The following IRAG2 variants were observed in gnomAD, a reference collection of about 807,000 sequenced individuals.
The protein encoded by IRAG2 is inositol 1,4,5-triphosphate receptor associated 2.
In IRAG2, 45 loss-of-function variants were observed where a neutral mutation model predicts 69.9. The ratio of observed to expected loss-of-function variants is 0.64; its 90% CI spans 0.51 to 0.83. IRAG2 has a LOEUF of 0.83. Among genes scored for constraint, IRAG2 ranks in the 40% least tolerant of loss-of-function variants. The probability of loss-of-function intolerance (pLI) is 0.00; values close to 1 mark genes in which losing one functional copy is unlikely to be tolerated. For missense variants in IRAG2, 520 were observed against 587.0 expected (o/e 0.89, Z 1.18); for synonymous variants, 193 against 202.4 (o/e 0.95, Z 0.40).
At chr12:25,026,940 C>G in intron 9 of IRAG2, 1 of 661,658 alleles carries the variant, frequency 1.5e-6, no homozygotes, top group Non-Finnish European at 2.1e-6. Context: ...AATGTCTATG[C>G]CTCATTGACA....
At chr12:25,013,871 T>TC (rs1435630170) in intron 3 of IRAG2, among the ~76,000 whole-genome samples, 3 of 108,980 alleles carry the variant, frequency 2.8e-5, no homozygotes, top group East Asian at 4.6e-4. Flanking sequence ...TTTTTCTTTT[T>TC]TTTTTTTTTT....
chr12:25,004,244 T>G, upstream of IRAG2: 2 of 873,122 alleles, frequency 2.3e-6, no homozygotes, highest in Non-Finnish European at 3.0e-6. Flanking sequence ...AATTGCCTAT[T>G]GCTAAATTAT....
At chr12:25,043,870 G>C (rs753261203) in intron 16 of IRAG2, among the ~76,000 whole-genome samples, 1 of 152,088 alleles carries the variant, frequency 6.6e-6, no homozygotes, top group African/African-American at 2.4e-5. Context: ...ACAAAATAAA[G>C]CTCCAGAAAC....
At chr12:25,004,299 A>G, upstream of IRAG2, 3 of 1,206,570 alleles carry the variant, frequency 2.5e-6, no homozygotes, top group Non-Finnish European at 3.1e-6. Context: ...ACTTTTGCCT[A>G]TACTTTAGCC....
At chr12:25,087,862 A>G (rs1947744832) in intron 10 of IRAG2, among the ~76,000 whole-genome samples, 1 of 152,120 alleles carries the variant, frequency 6.6e-6, no homozygotes, top group African/African-American at 2.4e-5. Flanking sequence ...GTTCCTTAGG[A>G]GAATAACGCC....
intron 14 of IRAG2, among the ~76,000 whole-genome samples, chr12:25,096,569 A>T (rs972441119): frequency 3.9e-5 from 6 of 152,212 alleles, no homozygotes; most frequent in African/African-American, 1.4e-4. Flanking sequence ...CTTATATGAT[A>T]CATTCACCTC....
At chr12:25,015,385 G>T (rs1417971575) in exon 5 of IRAG2, 5 of 1,231,730 alleles carry the variant, frequency 4.1e-6, no homozygotes, top group South Asian at 4.1e-5. Context: ...TTCTACATTG[G>T]GGAGCTTCGA....
intron 6 of IRAG2, chr12:25,076,273 T>C (rs1592015818): frequency 3.8e-6 from 1 of 264,796 alleles, no homozygotes; most frequent in South Asian, 1.5e-4. Flanking sequence ...AACAAGGTAG[T>C]ATTAAATGGC....
intron 16 of IRAG2, among the ~76,000 whole-genome samples, chr12:25,040,726 G>A (rs967171486): frequency 6.6e-6 from 1 of 152,058 alleles, no homozygotes; most frequent in African/African-American, 2.4e-5. Flanking sequence ...GCCAAAGAGA[G>A]GCATGGACAG....
chr12:25,063,177 C>T (rs1591977408), intron 3 of IRAG2, among the ~76,000 whole-genome samples: 1 of 152,178 alleles, frequency 6.6e-6, no homozygotes, highest in African/African-American at 2.4e-5. Context: ...ATTCTCCTGC[C>T]TCAGCCTCCG....
intron 9 of IRAG2, among the ~76,000 whole-genome samples, chr12:25,029,808 G>A (rs1214350909): frequency 6.6e-6 from 1 of 152,104 alleles, no homozygotes; most frequent in African/African-American, 2.4e-5. Flanking sequence ...AGCCTCCCGA[G>A]TGCCTGAGAC....
chr12:25,094,925 C>A (rs11832456), intron 14 of IRAG2, among the ~76,000 whole-genome samples: 12 of 151,980 alleles, frequency 7.9e-5, no homozygotes, highest in Non-Finnish European at 1.3e-4. Flanking sequence ...ATTTTGTACC[C>A]TACAATTTTG....
At chr12:25,040,897 C>G (rs975058042) in intron 16 of IRAG2, among the ~76,000 whole-genome samples, 1 of 152,138 alleles carries the variant, frequency 6.6e-6, no homozygotes, top group African/African-American at 2.4e-5. Context: ...AAACTAACAT[C>G]TAGTAAAGGA....
At chr12:25,094,959 C>T (rs770169799) in intron 14 of IRAG2, among the ~76,000 whole-genome samples, 5 of 152,062 alleles carry the variant, frequency 3.3e-5, no homozygotes, top group African/African-American at 4.8e-5. Flanking sequence ...TTAGTTCTAA[C>T]AGGTTTTTTT....
At chr12:25,007,743 AACT>A (rs1433833975) in intron 2 of IRAG2, among the ~76,000 whole-genome samples, 1 of 152,194 alleles carries the variant, frequency 6.6e-6, no homozygotes, top group African/African-American at 2.4e-5. Flanking sequence ...GCTAGTCTCG[AACT>A]CCTGACCTCA....
Position 25,103,998 on chromosome 12 carries a change from T to A in IRAG2, c.997-11T>A. On this transcript the variant is annotated splice_polypyrimidine_tract_variant and intron_variant, in intron 18 of 21. Coordinates refer to ENST00000556887, the MANE Select transcript of IRAG2 (RefSeq NM_001366544.2). ...TTATCATTTCTTTTAACATTTGAAC[T>A]TCTACTAAAGGTGGCTGGGATGGAA... is the stretch of plus-strand genomic sequence containing the variant. The A allele has an allele frequency of 6.2e-7, 1 of 1,612,766 alleles. No homozygotes were observed. Among genetic ancestry groups the A allele is most frequent in the South Asian group, 1.1e-5 (1 of 90,992 alleles).
intron 3 of IRAG2, among the ~76,000 whole-genome samples, chr12:25,063,380 C>T (rs934602567): frequency 8.5e-5 from 13 of 152,112 alleles, no homozygotes; most frequent in African/African-American, 2.7e-4. Context: ...TGCAGTATCA[C>T]GAAGAATTAT....
chr12:25,013,866 C>CTTTTTTTTTTTTTTTTTTTTTTTTTT lies in IRAG2; in HGVS notation c.897-1315_897-1290dup, dbSNP rs71063386. Among the ~76,000 whole-genome samples the CTTTTTTTTTTTTTTTTTTTTTTTTTT allele has an allele frequency of 3.8e-5, 3 of 79,530 alleles. 1 individual carries two copies. The highest frequency in any genetic ancestry group is 1.9e-4 in the Admixed American group (1 of 5,396). The allele number at this position is 79,530 out of a possible 152,430, so 52.2% of individuals were successfully genotyped here. A position where few individuals can be genotyped will look rare whatever the true frequency, so the allele number is the denominator to read the frequency against. On this transcript the variant is annotated intron_variant, in intron 3 of 38. Transcript: ENST00000636465. ...GGTTTTAATTTTTTGTTTTCTTTTT[C>CTTTTTTTTTTTTTTTTTTTTTTTTTT]TTTTTTTTTTTTTTTTTTTTTTTTT...
At chr12:25,029,002 A>G (rs1395507892) in intron 9 of IRAG2, among the ~76,000 whole-genome samples, 1 of 152,228 alleles carries the variant, frequency 6.6e-6, no homozygotes, top group Non-Finnish European at 1.5e-5. Flanking sequence ...GGTTCAAGTG[A>G]TCTTCCCATC....
Sources: allele counts gnomAD v4.1 joint callset (sites outside exome capture counted in the v4.1 genomes callset), GRCh38; gene constraint gnomAD v4.1.1; transcripts MANE v1.5; gene names NCBI Gene and HGNC (gene_info 2026-07-23, HGNC 2026-07-21).